Variants in RBFOX1 observed in about 807,000 individuals in gnomAD.
RBFOX1 encodes the protein RNA binding protein fox-1 homolog 1.
A neutral mutation model predicts 57.7 loss-of-function variants in RBFOX1; 8 were observed. The ratio of observed to expected loss-of-function variants is 0.14; its 90% confidence interval spans 0.08 to 0.25. The LOEUF (loss-of-function observed/expected upper bound fraction) is 0.25. Among genes scored for constraint, RBFOX1 ranks in the 10% least tolerant of loss-of-function variants. The pLI, the probability that RBFOX1 is intolerant of heterozygous loss-of-function variation, is 1.00. For missense variants in RBFOX1, 611 were observed against 548.5 expected, an observed-to-expected ratio of 1.11 and a Z score of -1.14; for synonymous variants, 326 against 222.4, an observed-to-expected ratio of 1.47 and a Z score of -4.15.
intron 3 of RBFOX1, among the ~76,000 whole-genome samples, chr16:5,778,236 A>AT (rs1247565539): frequency 6.6e-6 from 1 of 152,160 alleles, no homozygotes; most frequent in Non-Finnish European, 1.5e-5. Flanking sequence ...CCATGTGTGG[A>AT]GACCTAACAT....
At chr16:6,236,717 C>A (rs1022777090) in intron 1 of RBFOX1, among the ~76,000 whole-genome samples, 1 of 152,136 alleles carries the variant, frequency 6.6e-6, no homozygotes, top group Non-Finnish European at 1.5e-5. Flanking sequence ...TCCTAAAGTG[C>A]TGGGATTACA....
intron 2 of RBFOX1, among the ~76,000 whole-genome samples, chr16:6,565,838 G>T (rs938640022): frequency 6.6e-6 from 1 of 152,334 alleles, no homozygotes; most frequent in Non-Finnish European, 1.5e-5. Context: ...GCAGCTATGT[G>T]AGGCTATCAA....
chr16:7,505,306 G>T (rs1197886575), intron 4 of RBFOX1, among the ~76,000 whole-genome samples: 1 of 151,896 alleles, frequency 6.6e-6, no homozygotes, highest in Admixed American at 6.6e-5. Context: ...AGTCCAGTTG[G>T]AGATGGACAC....
intron 4 of RBFOX1, among the ~76,000 whole-genome samples, chr16:7,103,683 TAAAG>T (rs1445258512): frequency 5.3e-5 from 8 of 152,124 alleles, no homozygotes; most frequent in South Asian, 4.2e-4. Context: ...AAAAATGACT[TAAAG>T]AAACGTAAAT....
Position 7,582,031 on chromosome 16 carries a change from C to A in RBFOX1, c.414+2111C>A, listed in dbSNP as rs891788662. On this transcript the variant is annotated intron_variant, in intron 6 of 15. Coordinates refer to ENST00000550418, the MANE Select transcript of RBFOX1 (RefSeq NM_018723.4). ...AGCTATTGCACCCATCCAGCACCCCCCCCCCCCCTTTTTTTTGTGACAAAG... is the reference window on the plus strand; with the variant it reads ...AGCTATTGCACCCATCCAGCACCCCACCCCCCCCTTTTTTTTGTGACAAAG... 8.7e-4 allele frequency among the ~76,000 whole-genome samples: 131 copies of A among 150,858 alleles called. 1 individual carries two copies. The highest frequency in any genetic ancestry group is 2.4e-3 in the African/African-American group (96 of 40,738).
chr16:6,620,941 C>G (rs1005404084), intron 2 of RBFOX1, among the ~76,000 whole-genome samples: 1 of 152,238 alleles, frequency 6.6e-6, no homozygotes. Flanking sequence ...AAATTTTATT[C>G]TCTCACAATT....
At chr16:7,602,955 C>G (rs986321930) in intron 9 of RBFOX1, among the ~76,000 whole-genome samples, 2 of 152,114 alleles carry the variant, frequency 1.3e-5, no homozygotes, top group African/African-American at 4.8e-5. Flanking sequence ...TGTACAAATA[C>G]ATGGAAATTC....
At chr16:5,502,824 C>T (rs1192498253) in intron 2 of RBFOX1, among the ~76,000 whole-genome samples, 1 of 152,194 alleles carries the variant, frequency 6.6e-6, no homozygotes, top group South Asian at 2.1e-4. Context: ...TTCCGCGTCT[C>T]AGGGGACCCT....
At position 7,221,840 on chromosome 16, in the gene RBFOX1, T is replaced by A. The variant is rs75637424; in HGVS notation, c.27+169742T>A. On this transcript the variant is annotated intron_variant, in intron 4 of 15. Transcript: ENST00000550418. Reference sequence around the variant, plus strand: ...ACATACAGAGGCCTGAAAAGTTGATTTCCCTCCTTGGAGGAGTTCCTGATT... The same window carrying A: ...ACATACAGAGGCCTGAAAAGTTGATATCCCTCCTTGGAGGAGTTCCTGATT... Among the ~76,000 whole-genome samples, 774 of 152,330 alleles carry A rather than the reference T, an allele frequency of 5.1e-3. 5 individuals are homozygous for A. Among genetic ancestry groups the A allele is most frequent in the African/African-American group, 0.017 (708 of 41,568 alleles).
chr16:5,293,126 A>G (rs1255679871), intron 1 of RBFOX1, among the ~76,000 whole-genome samples: 2 of 151,794 alleles, frequency 1.3e-5, no homozygotes, highest in African/African-American at 4.8e-5. Flanking sequence ...TTCAAGACCA[A>G]ACTGGGCAAC....
chr16:6,279,549 A>G (rs952031748), intron 1 of RBFOX1, among the ~76,000 whole-genome samples: 9 of 152,218 alleles, frequency 5.9e-5, no homozygotes, highest in African/African-American at 2.2e-4. Flanking sequence ...TCCCTCTGAT[A>G]CGCTTGTGTA....
At chr16:7,684,155 C>T (rs1201840705) in intron 14 of RBFOX1, among the ~76,000 whole-genome samples, 1 of 152,118 alleles carries the variant, frequency 6.6e-6, no homozygotes, top group Non-Finnish European at 1.5e-5. Flanking sequence ...AATGTGGCCT[C>T]TAATTTATTT....
At chr16:6,473,192 GC>G (rs2095217517) in intron 2 of RBFOX1, among the ~76,000 whole-genome samples, 2 of 152,104 alleles carry the variant, frequency 1.3e-5, no homozygotes, top group African/African-American at 4.8e-5. Context: ...TTGTTTTCTA[GC>G]CCTGCCTACT....
intron 2 of RBFOX1, among the ~76,000 whole-genome samples, chr16:5,540,681 C>G (rs1246270106): frequency 6.6e-6 from 1 of 152,156 alleles, no homozygotes; most frequent in African/African-American, 2.4e-5. Flanking sequence ...GAATACGAAT[C>G]TCTGGCACTG....
intron 11 of RBFOX1, among the ~76,000 whole-genome samples, chr16:7,647,573 G>C (rs1182308356): frequency 6.6e-6 from 1 of 151,544 alleles, no homozygotes; most frequent in African/African-American, 2.4e-5. Flanking sequence ...CAAACTTGCA[G>C]TGCTGGGGTT....
At chr16:5,434,808 A>G (rs746649063) in intron 1 of RBFOX1, among the ~76,000 whole-genome samples, 3 of 152,084 alleles carry the variant, frequency 2.0e-5, no homozygotes, top group Non-Finnish European at 4.4e-5. Context: ...AATATCATTT[A>G]TTCTCTTGGT....
chr16:5,431,949 T>G (rs1254795780), intron 1 of RBFOX1, among the ~76,000 whole-genome samples: 1 of 151,994 alleles, frequency 6.6e-6, no homozygotes, highest in Non-Finnish European at 1.5e-5. Context: ...CAACGGAGAC[T>G]TTTTGGGGGT....
At chr16:5,809,136 C>G (rs1402944907) in intron 3 of RBFOX1, among the ~76,000 whole-genome samples, 1 of 152,212 alleles carries the variant, frequency 6.6e-6, no homozygotes, top group Non-Finnish European at 1.5e-5. Flanking sequence ...AAAGCTGAAA[C>G]TGGATCCCTT....
At chr16:5,687,481 G>C (rs1313187642) in intron 3 of RBFOX1, among the ~76,000 whole-genome samples, 1 of 152,236 alleles carries the variant, frequency 6.6e-6, no homozygotes, top group Non-Finnish European at 1.5e-5. Flanking sequence ...AGACAGCAAA[G>C]ATAAAGAGTC....
Sources: allele counts gnomAD v4.1 joint callset (sites outside exome capture counted in the v4.1 genomes callset), GRCh38; gene constraint gnomAD v4.1.1; transcripts MANE v1.5; gene names NCBI Gene and HGNC (gene_info 2026-07-23, HGNC 2026-07-21).